ITGA9: variants seen among roughly 807,000 people sequenced by gnomAD.
ITGA9 encodes the protein integrin alpha-9.
Under a neutral mutation model 127.8 loss-of-function variants are expected in ITGA9, and 56 were observed. That is an observed-to-expected ratio of 0.44 (90% CI 0.35 to 0.55). ITGA9 has a LOEUF of 0.55. Among genes scored for constraint, ITGA9 ranks in the 20% least tolerant of loss-of-function variants. ITGA9 has a pLI of 0.00. For synonymous variants in ITGA9, 508 were observed against 514.5 expected (o/e 0.99, Z 0.17); for missense variants, 1,196 against 1,347.1 (o/e 0.89, Z 1.76).
At chr3:37,468,032 G>C (rs530452522) in intron 1 of ITGA9, among the ~76,000 whole-genome samples, 2 of 152,126 alleles carry the variant, frequency 1.3e-5, no homozygotes, top group Admixed American at 6.5e-5. Flanking sequence ...AGCAGACAAG[G>C]GCCAGCCAAA....
intron 1 of ITGA9, among the ~76,000 whole-genome samples, chr3:37,462,970 A>G (rs1373258261): frequency 6.6e-6 from 1 of 152,134 alleles, no homozygotes. Context: ...CCTGGGTGTG[A>G]CTTCGGATAC....
chr3:37,487,669 A>C (rs1698624794), intron 4 of ITGA9, among the ~76,000 whole-genome samples: 1 of 152,178 alleles, frequency 6.6e-6, no homozygotes, highest in African/African-American at 2.4e-5. Context: ...ACAGATGAGA[A>C]AACTGAGGCC....
At chr3:37,718,218 AATT>A (rs1425323267) in intron 18 of ITGA9, among the ~76,000 whole-genome samples, 1 of 152,232 alleles carries the variant, frequency 6.6e-6, no homozygotes, top group Non-Finnish European at 1.5e-5. Context: ...CACACATGAG[AATT>A]ATTGTGTAGA....
At chr3:37,460,820 A>C (rs1245620548) in intron 1 of ITGA9, among the ~76,000 whole-genome samples, 1 of 151,936 alleles carries the variant, frequency 6.6e-6, no homozygotes, top group Non-Finnish European at 1.5e-5. Context: ...CGATCTCCTG[A>C]CCTCGTGATC....
chr3:37,523,797 T>C (rs1699067645), intron 12 of ITGA9, among the ~76,000 whole-genome samples, 186 bp downstream of exon 12: 1 of 152,182 alleles, frequency 6.6e-6, no homozygotes, highest in Non-Finnish European at 1.5e-5. Flanking sequence ...ATTTTGGGGT[T>C]TTAAACTGAT....
In ITGA9 at chr3:37,629,571, G is replaced by C. The variant is rs1700210271; in HGVS notation, c.1839+235G>C. ...CTTTCAGACAATTCTCAGGCTGTTA[G>C]AAGTTACAATCCCCTCGAGTTCGTG... On this transcript the variant is annotated intron_variant, in intron 16 of 27. Coordinates refer to ENST00000264741, the MANE Select transcript of ITGA9 (RefSeq NM_002207.3). The surrounding 1 kb of genome is among the most constrained non-coding windows in gnomAD (Gnocchi z 4.5). 1.6e-6 allele frequency: 1 copy of C among 627,542 alleles called. No individual in the cohort carries two copies. Among genetic ancestry groups the C allele is most frequent in the South Asian group, 1.9e-5 (1 of 53,132 alleles). 38.9% of individuals were successfully genotyped at this position (627,542 alleles called of 1,614,324 possible).
At chr3:37,809,324 G>T (rs180889851) in intron 27 of ITGA9, among the ~76,000 whole-genome samples, 86 of 152,222 alleles carry the variant, frequency 5.6e-4, no homozygotes, top group Admixed American at 1.9e-3. Flanking sequence ...GGCCTCAAGC[G>T]ATCTGCCTGC....
At chr3:37,732,249 G>C (rs1444660643) in intron 18 of ITGA9, among the ~76,000 whole-genome samples, 2 of 152,032 alleles carry the variant, frequency 1.3e-5, no homozygotes, top group South Asian at 4.2e-4. Flanking sequence ...GGACAGCCCA[G>C]CCCTCACTGC....
At chr3:37,788,635 T>A (rs1697068928) in intron 26 of ITGA9, among the ~76,000 whole-genome samples, 1 of 152,116 alleles carries the variant, frequency 6.6e-6, no homozygotes, top group Non-Finnish European at 1.5e-5. Flanking sequence ...AATTTCCTAA[T>A]ATTGGTACAT....
chr3:37,502,433 T>TA (rs988203750), intron 5 of ITGA9, among the ~76,000 whole-genome samples: 3 of 152,158 alleles, frequency 2.0e-5, no homozygotes, highest in Non-Finnish European at 1.5e-5. Flanking sequence ...CAGGCTGGTT[T>TA]CAAACTCCTG....
intron 13 of ITGA9, among the ~76,000 whole-genome samples, chr3:37,529,931 C>T (rs1310653472): frequency 1.3e-5 from 2 of 151,760 alleles, no homozygotes; most frequent in East Asian, 1.9e-4. Context: ...GGGCTGGGGG[C>T]GAGGGGCTCT....
At chr3:37,593,707 T>C (rs1338448540) in intron 15 of ITGA9, among the ~76,000 whole-genome samples, 1 of 152,226 alleles carries the variant, frequency 6.6e-6, no homozygotes, top group East Asian at 1.9e-4. Context: ...AGGACACAAT[T>C]CAGTCCACGG....
At chr3:37,502,317 C>T (rs776570756) in intron 5 of ITGA9, among the ~76,000 whole-genome samples, 9 of 149,426 alleles carry the variant, frequency 6.0e-5, no homozygotes, top group East Asian at 2.0e-4. Context: ...CGGGTTCAAG[C>T]GATTTTCCTG....
At chr3:37,678,554 A>G (rs961680292) in intron 17 of ITGA9, among the ~76,000 whole-genome samples, 2 of 152,182 alleles carry the variant, frequency 1.3e-5, no homozygotes, top group Admixed American at 1.3e-4. Context: ...TGATGGTGTA[A>G]TGAGAATTTT....
At chr3:37,645,110 C>T (rs1446671669) in intron 16 of ITGA9, among the ~76,000 whole-genome samples, 2 of 152,030 alleles carry the variant, frequency 1.3e-5, no homozygotes, top group Non-Finnish European at 2.9e-5. Context: ...AAATACTGTG[C>T]TAGGTGCTGG....
At chr3:37,461,424 G>A (rs1414755242) in intron 1 of ITGA9, among the ~76,000 whole-genome samples, 1 of 152,116 alleles carries the variant, frequency 6.6e-6, no homozygotes, top group Non-Finnish European at 1.5e-5. Context: ...GGTTGGTGGG[G>A]GCATTAAATG....
chr3:37,660,745 T>C (rs1422631763), intron 17 of ITGA9, among the ~76,000 whole-genome samples: 1 of 152,178 alleles, frequency 6.6e-6, no homozygotes. Context: ...TCCCATGGAT[T>C]TTCAGGTCAG....
chr3:37,508,166 A>G (rs1373665098), intron 7 of ITGA9, among the ~76,000 whole-genome samples: 1 of 152,216 alleles, frequency 6.6e-6, no homozygotes, highest in Admixed American at 6.5e-5. Context: ...TGCCTGGTAA[A>G]GTCTTACTGG....
chr3:37,780,600 C>T (rs1331084567), intron 25 of ITGA9, among the ~76,000 whole-genome samples: 2 of 151,786 alleles, frequency 1.3e-5, no homozygotes, highest in Admixed American at 6.6e-5. Flanking sequence ...AAGTTGATTC[C>T]CTATCTTTGC....
Sources: gnomAD v4.1 joint callset for allele counts (sites outside exome capture counted in the v4.1 genomes callset) on GRCh38, gnomAD v4.1.1 for gene constraint, Gnocchi (gnomAD v3.1) non-coding constraint, MANE v1.5 for transcripts, NCBI Gene and HGNC (gene_info 2026-07-23, HGNC 2026-07-21) for gene names.